HSD17B12: variants seen among roughly 807,000 people sequenced by gnomAD.
HSD17B12 encodes the protein very-long-chain 3-oxoacyl-CoA reductase.
In HSD17B12, 32 loss-of-function variants were observed where a neutral mutation model predicts 39.3. The ratio of observed to expected loss-of-function variants is 0.81; its 90% confidence interval spans 0.61 to 1.09. The LOEUF (loss-of-function observed/expected upper bound fraction) is 1.09, where lower values mean the gene tolerates loss of function less well. Among genes scored for constraint, HSD17B12 ranks in the 50% least tolerant of loss-of-function variants. The pLI is 0.00. For synonymous variants in HSD17B12, 150 were observed against 146.7 expected (o/e 1.02, Z -0.16); for missense variants, 342 against 382.9 (o/e 0.89, Z 0.89).
chr11:43,798,974 C>T (rs1878851), intron 4 of HSD17B12, among the ~76,000 whole-genome samples: 99,565 of 151,946 alleles, frequency 0.66, 32,948 homozygotes, highest in East Asian at 0.75. Context: ...TGACCCGTCA[C>T]TGGTTGAATC....
chr11:43,846,932 C>T (rs1434499454), intron 9 of HSD17B12, among the ~76,000 whole-genome samples: 1 of 152,170 alleles, frequency 6.6e-6, no homozygotes. Context: ...AATAATCTGG[C>T]AAAAGGCACA....
chr11:43,575,418 TAC>T, the HSD17B12 span, among the ~76,000 whole-genome samples: 2 of 152,242 alleles, frequency 1.3e-5, no homozygotes, highest in East Asian at 1.9e-4. This position sits in a 1 kb window ranked among gnomAD's most constrained non-coding sequence, Gnocchi z 4.1. Context: ...CTGTCTATGC[TAC>T]AGTGACCAGA....
intron 6 of HSD17B12, chr11:43,830,213 T>C (rs141071082): frequency 6.6e-5 from 10 of 152,364 alleles, no homozygotes; most frequent in African/African-American, 2.4e-4. Flanking sequence ...TCTTAGAGAA[T>C]TGATGATATC....
chr11:43,742,139 A>ATATATATAT (rs61178234), intron 1 of HSD17B12, among the ~76,000 whole-genome samples: 100 of 123,464 alleles, frequency 8.1e-4, no homozygotes, highest in African/African-American at 2.9e-3. Flanking sequence ...ATATATATAT[A>ATATATATAT]TTTTTTTTTT....
At chr11:43,562,144 T>C in the HSD17B12 span, among the ~76,000 whole-genome samples, 1 of 152,242 alleles carries the variant, frequency 6.6e-6, no homozygotes, top group Non-Finnish European at 1.5e-5. Flanking sequence ...AGTTGGCTCA[T>C]TTTAAAGCAC....
chr11:43,701,167 C>G (rs542667396), intron 1 of HSD17B12, among the ~76,000 whole-genome samples: 2 of 152,144 alleles, frequency 1.3e-5, no homozygotes, highest in Non-Finnish European at 2.9e-5. Context: ...ATATTCTGCC[C>G]ATTTTTTGAT....
intron 3 of HSD17B12, chr11:43,755,374 C>T (rs1950499317): frequency 6.6e-6 from 1 of 152,576 alleles, no homozygotes; most frequent in Non-Finnish European, 1.5e-5. Flanking sequence ...AAATTGTAAT[C>T]ATAAATGATA....
At chr11:43,615,999 T>G in the HSD17B12 span, among the ~76,000 whole-genome samples, 1 of 152,170 alleles carries the variant, frequency 6.6e-6, no homozygotes, top group African/African-American at 2.4e-5. Context: ...TTTGTATCTT[T>G]GTGTGAGTGA....
chr11:43,843,973 T>C (rs928305058), intron 9 of HSD17B12, among the ~76,000 whole-genome samples: 5 of 152,232 alleles, frequency 3.3e-5, no homozygotes, highest in African/African-American at 1.2e-4. Flanking sequence ...AAAACTCTGG[T>C]TGTGCATGGT....
upstream of HSD17B12, among the ~76,000 whole-genome samples, chr11:43,678,739 A>G (rs1481242079): frequency 6.6e-6 from 1 of 152,138 alleles, no homozygotes; most frequent in Non-Finnish European, 1.5e-5. Context: ...AAGATCAGAT[A>G]GTTGTAGATG....
intron 1 of HSD17B12, among the ~76,000 whole-genome samples, chr11:43,715,705 A>G (rs1950115963): frequency 6.6e-6 from 1 of 152,208 alleles, no homozygotes; most frequent in African/African-American, 2.4e-5. Context: ...GAATGGTACC[A>G]GCTTCTCCTT....
the HSD17B12 span, among the ~76,000 whole-genome samples, chr11:43,665,751 C>G: frequency 7.2e-5 from 11 of 152,260 alleles, no homozygotes; most frequent in Admixed American, 3.3e-4. Flanking sequence ...ATGCTTTGCT[C>G]TACACACGCA....
chr11:43,709,339 T>C (rs1333595061), intron 1 of HSD17B12, among the ~76,000 whole-genome samples: 3 of 152,238 alleles, frequency 2.0e-5, no homozygotes, highest in African/African-American at 7.2e-5. Flanking sequence ...TTGGCCAGGC[T>C]GGTTGCAAAC....
intron 1 of HSD17B12, chr11:43,734,375 G>A (rs1950297233): frequency 4.5e-6 from 4 of 879,254 alleles, no homozygotes; most frequent in Non-Finnish European, 7.7e-6. Context: ...GAGGAAAAAG[G>A]CGGCCATCAT....
chr11:43,827,394 A>G lies in HSD17B12; in HGVS notation c.502-3582A>G, dbSNP rs560818380. Reference sequence around the variant, plus strand: ...ATTTGCTTATATTGTATCATTTTTCATACTAAATTAATGAGTGGGAAAATC... The same window carrying G: ...ATTTGCTTATATTGTATCATTTTTCGTACTAAATTAATGAGTGGGAAAATC... On this transcript the variant is annotated intron_variant, in intron 6 of 10. Transcript: ENST00000278353. Among the ~76,000 whole-genome samples, 9 of 152,362 alleles carry G rather than the reference A, an allele frequency of 5.9e-5. No homozygotes were observed. In the East Asian group the frequency reaches 1.3e-3, roughly 23 times the overall value.
chr11:43,566,992 T>C, the HSD17B12 span, among the ~76,000 whole-genome samples: 1 of 152,218 alleles, frequency 6.6e-6, no homozygotes, highest in Non-Finnish European at 1.5e-5. Flanking sequence ...AGGTCTTTTG[T>C]GTGAGAAGGA....
chr11:43,578,777 T>C, the HSD17B12 span: 1 of 148,850 alleles, frequency 6.7e-6, no homozygotes, highest in African/African-American at 2.5e-5. Context: ...TGGGGGGAGG[T>C]GTCCAAGAGT....
rs148024276 is a variant in HSD17B12, at chr11:43,717,927, C to A, written c.161-32984C>A. On this transcript the variant is annotated intron_variant, in intron 1 of 10. Coordinates refer to ENST00000278353, the MANE Select transcript of HSD17B12 (RefSeq NM_016142.3). Reference sequence around the variant, plus strand: ...TTAAGCAATTCTCATACCTCAGCCTCCCAAGAAGCTGGGATTACAGGCATG... The same window carrying A: ...TTAAGCAATTCTCATACCTCAGCCTACCAAGAAGCTGGGATTACAGGCATG... Among the ~76,000 whole-genome samples the A allele has an allele frequency of 2.2e-3, 337 of 151,998 alleles. 6 individuals carry two copies. In the East Asian group the frequency reaches 0.042, roughly 19 times the overall value.
chr11:43,776,211 C>T (rs1950701973), intron 3 of HSD17B12, among the ~76,000 whole-genome samples: 1 of 152,168 alleles, frequency 6.6e-6, no homozygotes, highest in Non-Finnish European at 1.5e-5. Flanking sequence ...AACTAGTTTA[C>T]AGTCCCACCA....
Sources: gnomAD v4.1 joint callset for allele counts (sites outside exome capture counted in the v4.1 genomes callset) on GRCh38, gnomAD v4.1.1 for gene constraint, Gnocchi (gnomAD v3.1) non-coding constraint, MANE v1.5 for transcripts, NCBI Gene and HGNC (gene_info 2026-07-23, HGNC 2026-07-21) for gene names.